PARVA: variants seen among roughly 807,000 people sequenced by gnomAD.
PARVA encodes the protein parvin alpha.
In PARVA, 25 loss-of-function variants were observed where a neutral mutation model predicts 52.6. The observed-to-expected ratio is 0.48, with a 90% CI of 0.35 to 0.66. The LOEUF (loss-of-function observed/expected upper bound fraction) is 0.66, where lower values mean the gene tolerates loss of function less well. PARVA is among the 30% of genes least tolerant of loss of function. PARVA has a pLI of 0.01. For missense variants in PARVA, 373 were observed against 450.9 expected (o/e 0.83, Z 1.56); for synonymous variants, 185 against 179.1 (o/e 1.03, Z -0.26).
chr11:12,533,084 C>A lies in PARVA; in HGVS notation c.*5159C>A, dbSNP rs1941792089. ...AACACCAATCTGGTCTTAGCAACCT[C>A]TGGGCATCCCATAGCTCCTCCTAAC... is the stretch of plus-strand genomic sequence containing the variant. On this transcript the variant is annotated 3_prime_UTR_variant, in exon 13 of 13. Transcript: ENST00000334956. Among the ~76,000 whole-genome samples, 1 of 152,198 alleles carries A rather than the reference C, an allele frequency of 6.6e-6. No individual in the cohort carries two copies. Among genetic ancestry groups the A allele is most frequent in the African/African-American group, 2.4e-5 (1 of 41,460 alleles).
intron 1 of PARVA, among the ~76,000 whole-genome samples, chr11:12,395,665 C>T (rs61875441): frequency 1.4e-3 from 217 of 152,222 alleles, no homozygotes; most frequent in African/African-American, 4.9e-3. Flanking sequence ...ATCAAAGACT[C>T]GGCCTCTTCC....
intron 5 of PARVA, among the ~76,000 whole-genome samples, chr11:12,498,055 AGAC>A: frequency 6.6e-6 from 1 of 152,162 alleles, no homozygotes; most frequent in Non-Finnish European, 1.5e-5. Flanking sequence ...TTTTTTGTAG[AGAC>A]AGAGTCTCAC....
chr11:12,422,879 T>C (rs180680035), intron 1 of PARVA, among the ~76,000 whole-genome samples: 2 of 152,314 alleles, frequency 1.3e-5, no homozygotes, highest in African/African-American at 4.8e-5. Context: ...TATTTGATAC[T>C]GAGTCTTGCT....
intron 1 of PARVA, among the ~76,000 whole-genome samples, chr11:12,404,740 C>A (rs1169806833): frequency 6.6e-6 from 1 of 152,192 alleles, no homozygotes; most frequent in African/African-American, 2.4e-5. Flanking sequence ...GGGGTCCTGG[C>A]CAGATGCTTT....
At chr11:12,473,723 C>G (rs759797139) in intron 1 of PARVA, 22 bp from the exon 2 acceptor site, 2 of 1,538,656 alleles carry the variant, frequency 1.3e-6, no homozygotes, top group South Asian at 2.4e-5. Flanking sequence ...GAAATGTGAC[C>G]CTGCTCTTCC....
rs377359691 is a variant in PARVA at position 12,473,706 on chromosome 11, G to C, written c.137-39G>C. ...ACAGAGCTCCAACCCCCTGCCGTCCGTCAGCTGAAATGTGACCCTGCTCTT... is the reference window on the plus strand; with the variant it reads ...ACAGAGCTCCAACCCCCTGCCGTCCCTCAGCTGAAATGTGACCCTGCTCTT... On this transcript the variant is annotated intron_variant, in intron 1 of 12. Transcript: ENST00000334956. 4 of 1,481,090 alleles carry C rather than the reference G, an allele frequency of 2.7e-6. No individual in the cohort carries two copies. In the South Asian group the frequency reaches 3.6e-5, roughly 13 times the overall value. The allele number at this position is 1,481,090 out of a possible 1,614,324, so 91.7% of individuals were successfully genotyped here. A position where few individuals can be genotyped will look rare whatever the true frequency, so the allele number is the denominator to read the frequency against.
intron 1 of PARVA, among the ~76,000 whole-genome samples, chr11:12,387,349 G>A (rs938579373): frequency 6.6e-6 from 1 of 152,134 alleles, no homozygotes; most frequent in African/African-American, 2.4e-5. Context: ...GATGCCATGA[G>A]GGTAGCCGTT....
chr11:12,468,531 G>T (rs894732585), intron 1 of PARVA, among the ~76,000 whole-genome samples: 8 of 152,162 alleles, frequency 5.3e-5, no homozygotes, highest in Admixed American at 5.2e-4. Context: ...ATTGACTTTA[G>T]AATCCTGGTA....
chr11:12,430,438 G>A (rs564038532), intron 1 of PARVA, among the ~76,000 whole-genome samples: 12 of 152,092 alleles, frequency 7.9e-5, no homozygotes, highest in South Asian at 6.2e-4. Flanking sequence ...TCCTAACGAG[G>A]GTAAAAGTCT....
chr11:12,394,300 A>T (rs1456518438), intron 1 of PARVA, among the ~76,000 whole-genome samples: 1 of 152,214 alleles, frequency 6.6e-6, no homozygotes, highest in Non-Finnish European at 1.5e-5. Flanking sequence ...GACACAATTC[A>T]AAGTCAAAAC....
chr11:12,445,097 G>T (rs1940526445), intron 1 of PARVA, among the ~76,000 whole-genome samples: 1 of 152,170 alleles, frequency 6.6e-6, no homozygotes, highest in Admixed American at 6.5e-5. Flanking sequence ...AACTCTGATT[G>T]TATATGTACT....
chr11:12,425,101 C>G (rs187556012), intron 1 of PARVA, among the ~76,000 whole-genome samples: 2 of 152,140 alleles, frequency 1.3e-5, no homozygotes, highest in African/African-American at 2.4e-5. Context: ...ATTTTGAAAT[C>G]ATTTATGTAA....
chr11:12,452,940 G>A (rs74370316), intron 1 of PARVA: 35,951 of 452,152 alleles, frequency 0.08, 1,618 homozygotes, highest in Middle Eastern at 0.15. Flanking sequence ...CAGAAGGGTA[G>A]AAACCACAGG....
chr11:12,408,775 A>T (rs1360198649), intron 1 of PARVA, among the ~76,000 whole-genome samples: 1 of 152,190 alleles, frequency 6.6e-6, no homozygotes, highest in African/African-American at 2.4e-5. Context: ...GGCAATATAA[A>T]ACAAATAATG....
Position 12,535,038 on chromosome 11 carries a change from A to G in PARVA, c.*7113A>G, listed in dbSNP as rs910076923. On this transcript the variant is annotated 3_prime_UTR_variant, in exon 13 of 13. Transcript: ENST00000334956. ...GGCTACGAGAGGCCATGAGCTCCTC[A>G]TCTCTTCTCTGTTCTGAGCTCTCTG... is the stretch of plus-strand genomic sequence containing the variant. 6.6e-6 allele frequency among the ~76,000 whole-genome samples: 1 copy of G among 152,188 alleles called. No individual in the cohort carries two copies. The highest frequency in any genetic ancestry group is 1.5e-5 in the Non-Finnish European group (1 of 68,032).
intron 4 of PARVA, among the ~76,000 whole-genome samples, chr11:12,484,976 A>G (rs1476629507): frequency 1.3e-5 from 2 of 151,866 alleles, no homozygotes; most frequent in East Asian, 1.9e-4. Flanking sequence ...ACCACACCCA[A>G]CTAATTTTTG....
chr11:12,377,981 G>T (rs1164044819), intron 1 of PARVA, among the ~76,000 whole-genome samples, 198 bp downstream of exon 1: 1 of 148,298 alleles, frequency 6.7e-6, no homozygotes, highest in African/African-American at 2.4e-5. Context: ...GGGCTCGCGG[G>T]CCATCGAGGC....
intron 4 of PARVA, among the ~76,000 whole-genome samples, chr11:12,488,600 A>C (rs1294260529): frequency 6.6e-6 from 1 of 152,194 alleles, no homozygotes. Context: ...TGAAAGGGCA[A>C]CTCTTTCAAT....
upstream of PARVA, chr11:12,376,827 C>T (rs1939396153): frequency 1.8e-6 from 1 of 563,036 alleles, no homozygotes; most frequent in African/African-American, 2.0e-5. Flanking sequence ...TCAAATGAGT[C>T]TGGTTGTCAC....
Sources: allele counts gnomAD v4.1 joint callset (sites outside exome capture counted in the v4.1 genomes callset), GRCh38; gene constraint gnomAD v4.1.1; transcripts MANE v1.5; gene names NCBI Gene and HGNC (gene_info 2026-07-23, HGNC 2026-07-21).